The following PHLPP2 variants were observed in gnomAD, a reference collection of about 807,000 sequenced individuals.
PHLPP2 encodes the protein PH domain and leucine rich repeat protein phosphatase 2.
Under a neutral mutation model 124.9 loss-of-function variants are expected in PHLPP2, and 66 were observed. The ratio of observed to expected loss-of-function variants is 0.53; its 90% CI spans 0.43 to 0.65. The LOEUF (loss-of-function observed/expected upper bound fraction) is 0.65, where lower values mean the gene tolerates loss of function less well. Among genes scored for constraint, PHLPP2 ranks in the 30% least tolerant of loss-of-function variants. The pLI is 0.00. For missense variants in PHLPP2, 1,685 were observed against 1,600.4 expected, an observed-to-expected ratio of 1.05 and a Z score of -0.90; for synonymous variants, 681 against 624.7, an observed-to-expected ratio of 1.09 and a Z score of -1.34.
In PHLPP2 at chr16:71,648,882, T is replaced by TG; in HGVS notation, c.*7dup. Reference sequence around the variant, plus strand: ...CAGCCTCCTCCCACACTGTGCCCAGTGGGGCAGTCATAGTGCTGTGTCGAA... The same window carrying TG: ...CAGCCTCCTCCCACACTGTGCCCAGTGGGGGCAGTCATAGTGCTGTGTCGAA... On this transcript the variant is annotated 3_prime_UTR_variant, in exon 19 of 19. Coordinates refer to ENST00000568954, the MANE Select transcript of PHLPP2 (RefSeq NM_015020.3). 6.2e-7 allele frequency: 1 copy of TG among 1,602,690 alleles called. No individual in the cohort carries two copies. Among genetic ancestry groups the TG allele is most frequent in the Non-Finnish European group, 8.5e-7 (1 of 1,171,774 alleles).
chr16:71,690,535 G>C lies in PHLPP2; in HGVS notation c.593C>G (p.Pro198Arg). The C allele has an allele frequency of 6.2e-7, 1 of 1,607,112 alleles. No individual in the cohort carries two copies. The highest frequency in any genetic ancestry group is 8.5e-7 in the Non-Finnish European group (1 of 1,176,676). The change falls in exon 4 of 19, where the codon CCT (proline) becomes CGT (arginine). Residue 198 changes from proline (P) to arginine (R), a missense_variant. By Grantham distance (103) the Pro-to-Arg change is moderately radical (BLOSUM62 -2). Transcript: ENST00000568954. Reference sequence around the variant, plus strand: ...GAGTCTTACCTTTCCACCAACCAGAGGCAAAATGTGCATCTTTCCAGTTTG... The same window carrying C: ...GAGTCTTACCTTTCCACCAACCAGACGCAAAATGTGCATCTTTCCAGTTTG... Reference protein sequence around the residue: ...DCQTGKMHILPLVGGKIEEVK... With the variant: ...DCQTGKMHILRLVGGKIEEVK...
chr16:71,706,306 C>T (rs1232156709), intron 2 of PHLPP2, among the ~76,000 whole-genome samples: 1 of 152,326 alleles, frequency 6.6e-6, no homozygotes, highest in East Asian at 1.9e-4. Flanking sequence ...GCAGATTATA[C>T]CGCTTAGCCA....
At chr16:71,654,823 T>G (rs553232111) in intron 17 of PHLPP2, among the ~76,000 whole-genome samples, 48 of 152,354 alleles carry the variant, frequency 3.2e-4, no homozygotes, top group African/African-American at 1.1e-3. Context: ...CTTAGAAGAT[T>G]AGTTTGGTAA....
At chr16:71,675,703 CAT>C (rs1205733524) in intron 9 of PHLPP2, among the ~76,000 whole-genome samples, 3 of 152,162 alleles carry the variant, frequency 2.0e-5, no homozygotes, top group African/African-American at 2.4e-5. Flanking sequence ...GTAATTTTCA[CAT>C]GTCACAAAAT....
chr16:71,700,082 G>A (rs2045215130), intron 3 of PHLPP2, among the ~76,000 whole-genome samples: 2 of 152,166 alleles, frequency 1.3e-5, no homozygotes, highest in Non-Finnish European at 2.9e-5. Flanking sequence ...GAGGGGTCAA[G>A]AAAATATCCT....
chr16:71,695,048 G>C (rs907927762), intron 3 of PHLPP2, among the ~76,000 whole-genome samples: 1 of 152,126 alleles, frequency 6.6e-6, no homozygotes, highest in Non-Finnish European at 1.5e-5. Flanking sequence ...GCATCCCAAA[G>C]TGCTGGGATT....
intron 2 of PHLPP2, among the ~76,000 whole-genome samples, chr16:71,705,595 C>T (rs1396003263): frequency 6.6e-6 from 1 of 151,912 alleles, no homozygotes; most frequent in Non-Finnish European, 1.5e-5. Flanking sequence ...CACTGCAACC[C>T]CTGCCACCCA....
At chr16:71,655,503 C>CTTTTTT in intron 16 of PHLPP2, 69 bp from the exon 17 acceptor site, 1 of 795,572 alleles carries the variant, frequency 1.3e-6, no homozygotes, top group African/African-American at 1.9e-5. Context: ...AGGGAGCATT[C>CTTTTTT]TTTTTTTTTT....
chr16:71,687,948 A>G (rs1665627571), intron 4 of PHLPP2, among the ~76,000 whole-genome samples: 1 of 152,184 alleles, frequency 6.6e-6, no homozygotes, highest in Admixed American at 6.5e-5. Flanking sequence ...CAGCTACTAA[A>G]CAGTGGCTTA....
intron 3 of PHLPP2, chr16:71,698,639 G>A: frequency 1.7e-6 from 1 of 593,260 alleles, no homozygotes; most frequent in Non-Finnish European, 3.2e-6. Context: ...AAGCTGCTGT[G>A]GGCAGCCATT....
At position 71,724,645 on chromosome 16, in the gene PHLPP2, C is replaced by T. The variant is rs2045421326; in HGVS notation, c.-323G>A. The T allele has an allele frequency of 6.6e-6, 1 of 152,254 alleles. No homozygotes were observed. Among genetic ancestry groups the T allele is most frequent in the African/African-American group, 2.4e-5 (1 of 41,454 alleles). The allele number at this position is 152,254 out of a possible 1,614,324, so 9.4% of individuals were successfully genotyped here. Reference sequence around the variant, plus strand: ...GTTGCCAATGGGCCAAATTTGGAGTCAGCCAGCCTGTTTCCAGATCTCCCC... The same window carrying T: ...GTTGCCAATGGGCCAAATTTGGAGTTAGCCAGCCTGTTTCCAGATCTCCCC... On this transcript the variant is annotated 5_prime_UTR_variant, in exon 1 of 19. Transcript: ENST00000568954.
intron 4 of PHLPP2, among the ~76,000 whole-genome samples, chr16:71,688,970 T>A (rs2045080308): frequency 6.6e-6 from 1 of 152,218 alleles, no homozygotes; most frequent in Non-Finnish European, 1.5e-5. Flanking sequence ...CAGTCAGTGC[T>A]TAATGGCAGT....
In PHLPP2 at chr16:71,656,625, A is replaced by G; in HGVS notation, c.2336T>C (p.Val779Ala). 2 of 1,613,898 alleles carry G rather than the reference A, an allele frequency of 1.2e-6. No homozygotes were observed. The highest frequency in any genetic ancestry group is 1.7e-6 in the Non-Finnish European group (2 of 1,179,774). The change falls in exon 16 of 19, where the codon GTT (valine) becomes GCT (alanine). Residue 779 changes from valine to alanine, a missense_variant. Physicochemically the swap from Val to Ala is moderately conservative, Grantham distance 64. Coordinates refer to ENST00000568954, the MANE Select transcript of PHLPP2 (RefSeq NM_015020.3). The stretch of plus-strand genomic sequence containing the variant: ...TCCATGGCTCCAGAAGGTTGACGTA[A>G]CTGTAGAATCTGTGGTTGGCAAAGG... ...QKPLPTTDST[V>A]TSTFWSHGLA...
rs369169572 is a variant in PHLPP2, at chr16:71,658,610, C to A, written c.2148+43G>T. On this transcript the variant is annotated intron_variant, in intron 14 of 18. Transcript: ENST00000568954. ...GAAAATAATGTCATTCACTCTCCTG[C>A]CATTTCCCCCAATAAGGACATCATT... is the stretch of plus-strand genomic sequence containing the variant. 9.5e-6 allele frequency: 15 copies of A among 1,571,054 alleles called. No individual in the cohort carries two copies. The Middle Eastern group carries it at 6.8e-4, about 71-fold the overall frequency.
chr16:71,713,343 A>G (rs1370016843), intron 2 of PHLPP2, among the ~76,000 whole-genome samples: 1 of 152,192 alleles, frequency 6.6e-6, no homozygotes. Context: ...TATTTTTGAG[A>G]AAGTAAGGAG....
At chr16:71,702,494 A>T (rs1217100909) in intron 3 of PHLPP2, 104 bp downstream of exon 3, 1 of 977,072 alleles carries the variant, frequency 1.0e-6, no homozygotes, top group African/African-American at 1.6e-5. Context: ...ATTGGCTTAA[A>T]ACTAGCTTTT....
chr16:71,690,588 G>A lies in PHLPP2; in HGVS notation c.540C>T (p.Cys180=). The A allele has an allele frequency of 6.2e-7, 1 of 1,612,778 alleles. No individual in the cohort carries two copies. Among genetic ancestry groups the A allele is most frequent in the Non-Finnish European group, 8.5e-7 (1 of 1,178,816 alleles). The change falls in exon 4 of 19, where the codon TGC becomes TGT. Residue 180 remains cysteine, a synonymous_variant. Transcript: ENST00000568954. The part of the protein sequence containing the change: ...AERLVVLCGT[C]LIVSSVKDCQ... Reference sequence around the variant, plus strand: ...AATCCTTCACTGAGGAAACGATAAGGCAGGTACCACAGAGGACAACTAGGC... The same window carrying A: ...AATCCTTCACTGAGGAAACGATAAGACAGGTACCACAGAGGACAACTAGGC...
rs530469191 is a variant in PHLPP2, at chr16:71,661,431, A to G, written c.1985+2468T>C. Among the ~76,000 whole-genome samples, 14 of 152,246 alleles carry G rather than the reference A, an allele frequency of 9.2e-5. No individual in the cohort carries two copies. The South Asian group carries it at 1.0e-3, about 11-fold the overall frequency. Reference sequence around the variant, plus strand: ...TTTTCTTTGATATGTTTTAAGTTTTATATCAACCTGCTTTTGACCCCTCCA... The same window carrying G: ...TTTTCTTTGATATGTTTTAAGTTTTGTATCAACCTGCTTTTGACCCCTCCA... On this transcript the variant is annotated intron_variant, in intron 13 of 18. Coordinates refer to ENST00000568954, the MANE Select transcript of PHLPP2 (RefSeq NM_015020.3).
At chr16:71,718,537 G>C (rs942323561) in intron 1 of PHLPP2, among the ~76,000 whole-genome samples, 1 of 149,542 alleles carries the variant, frequency 6.7e-6, no homozygotes, top group Non-Finnish European at 1.5e-5. Context: ...CCGAGATTGC[G>C]CCACTGCAAT....
Sources: allele counts gnomAD v4.1 joint callset (sites outside exome capture counted in the v4.1 genomes callset), GRCh38; gene constraint gnomAD v4.1.1; transcripts MANE v1.5; gene names NCBI Gene and HGNC (gene_info 2026-07-23, HGNC 2026-07-21).